KIAA1755: variants seen among roughly 807,000 people sequenced by gnomAD.
The protein encoded by KIAA1755 is KIAA1755, also known as uncharacterized protein KIAA1755.
A neutral mutation model predicts 91.7 loss-of-function variants in KIAA1755; 68 were observed. The ratio of observed to expected loss-of-function variants is 0.74; its 90% confidence interval spans 0.61 to 0.91. The LOEUF (loss-of-function observed/expected upper bound fraction) is 0.91. Among genes scored for constraint, KIAA1755 ranks in the 40% least tolerant of loss-of-function variants. The pLI is 0.00. For synonymous variants in KIAA1755, 610 were observed against 604.6 expected (o/e 1.01, Z -0.13); for missense variants, 1,535 against 1,494.4 (o/e 1.03, Z -0.45).
chr20:38,248,311 C>T (rs536634890), intron 1 of KIAA1755, among the ~76,000 whole-genome samples: 18 of 152,128 alleles, frequency 1.2e-4, no homozygotes, highest in East Asian at 3.8e-4. Context: ...GAACATAGAG[C>T]GGGAGCCAAG....
At chr20:38,217,119 T>G in intron 13 of KIAA1755, 134 bp downstream of exon 13, 10 of 682,012 alleles carry the variant, frequency 1.5e-5, no homozygotes, top group Middle Eastern at 4.1e-4. Context: ...GGGGGGGCTG[T>G]GTCTAGGTAT....
intron 1 of KIAA1755, among the ~76,000 whole-genome samples, chr20:38,250,806 C>A (rs1490223330): frequency 6.6e-6 from 1 of 151,888 alleles, no homozygotes; most frequent in African/African-American, 2.4e-5. Flanking sequence ...TGCAGGGCGC[C>A]ATGATGTTCT....
In KIAA1755 at chr20:38,241,728, G is replaced by C. The variant is rs146785814; in HGVS notation, c.403C>G (p.Pro135Ala). 3 of 1,614,220 alleles carry C rather than the reference G, an allele frequency of 1.9e-6. No individual in the cohort carries two copies. The highest frequency in any genetic ancestry group is 2.7e-5 in the African/African-American group (2 of 75,046). The change falls in exon 3 of 14, where the codon CCT becomes GCT. Residue 135 changes from proline to alanine, a missense_variant. Transcript: ENST00000279024. ...ATAGGGTAGGCTGGCTCTGGAACAGGCTTCTTGTCCACTGTGCAGAGGTCC... is the reference window on the plus strand; with the variant it reads ...ATAGGGTAGGCTGGCTCTGGAACAGCCTTCTTGTCCACTGTGCAGAGGTCC... ...SLDLCTVDKK[P>A]VPEPAYPILF...
At chr20:38,237,635 T>C (rs539493705) in intron 4 of KIAA1755, among the ~76,000 whole-genome samples, 2 of 150,712 alleles carry the variant, frequency 1.3e-5, no homozygotes, top group East Asian at 3.9e-4. Context: ...GGAAGGGATG[T>C]GGTGGAGGGT....
At chr20:38,254,179 C>G (rs2076299325) in intron 1 of KIAA1755, among the ~76,000 whole-genome samples, 2 of 152,188 alleles carry the variant, frequency 1.3e-5, no homozygotes, top group South Asian at 4.1e-4. Flanking sequence ...GCCACTGCAC[C>G]CAGCTGGACT....
intron 1 of KIAA1755, among the ~76,000 whole-genome samples, chr20:38,247,230 C>T (rs933355817): frequency 6.6e-6 from 1 of 152,156 alleles, no homozygotes; most frequent in Admixed American, 6.5e-5. Flanking sequence ...AGGTTCCCAC[C>T]GTCTTCAGGA....
intron 1 of KIAA1755, among the ~76,000 whole-genome samples, chr20:38,257,129 T>A (rs2076352567): frequency 6.6e-6 from 1 of 152,116 alleles, no homozygotes; most frequent in Admixed American, 6.6e-5. Context: ...CCACCACCCA[T>A]CAGACACAGC....
In KIAA1755 at chr20:38,245,942, C is replaced by T. The variant is rs147419371; in HGVS notation, c.188G>A (p.Arg63Gln). Residue 63 changes from arginine to glutamine, a missense_variant, in exon 2 of 14, where the codon CGA (arginine) becomes CAA (glutamine). Transcript: ENST00000279024. ...IPAKRLCEQV[R>Q]EAACAPYSHC... ...CTCTTGACTTACACAGGCTGCTTCT[C>T]GCACTTGCTCACACAGGCGCTTGGC... 58 of 1,614,130 alleles carry T rather than the reference C, an allele frequency of 3.6e-5. No individual in the cohort carries two copies. The highest frequency in any genetic ancestry group is 5.3e-5 in the African/African-American group (4 of 75,038).
chr20:38,244,246 T>G, intron 2 of KIAA1755, among the ~76,000 whole-genome samples: 1 of 152,112 alleles, frequency 6.6e-6, no homozygotes, highest in East Asian at 1.9e-4. Flanking sequence ...TGGGGGAGCA[T>G]CTGCATGAAA....
At chr20:38,229,911 C>A (rs1362022641) in intron 5 of KIAA1755, among the ~76,000 whole-genome samples, 1 of 152,202 alleles carries the variant, frequency 6.6e-6, no homozygotes, top group Non-Finnish European at 1.5e-5. Flanking sequence ...AGAAAAGCCA[C>A]TCCACCTTGG....
Position 38,227,163 on chromosome 20 carries a change from A to G in KIAA1755, c.2043T>C (p.Pro681=), listed in dbSNP as rs200744760. ...CCTGAGTCCCCCTCACCTGGACGTCAGGTAATGTCTGCAGCTGGAGAGCCG... is the reference window on the plus strand; with the variant it reads ...CCTGAGTCCCCCTCACCTGGACGTCGGGTAATGTCTGCAGCTGGAGAGCCG... ...KEAALQLQTL[P]DVQVEVLTSL... The change falls in exon 7 of 14, where the codon CCT becomes CCC. Residue 681 remains proline, a synonymous_variant. Coordinates refer to ENST00000279024, the MANE Select transcript of KIAA1755 (RefSeq NM_001029864.2). 1.4e-5 allele frequency: 22 copies of G among 1,613,550 alleles called. No individual in the cohort carries two copies. Among genetic ancestry groups the G allele is most frequent in the South Asian group, 1.2e-4 (11 of 91,050 alleles).
chr20:38,219,365 C>T (rs935870734), intron 11 of KIAA1755, among the ~76,000 whole-genome samples: 1 of 152,232 alleles, frequency 6.6e-6, no homozygotes, highest in African/African-American at 2.4e-5. Flanking sequence ...ATGATGTTCA[C>T]AACGGCTCTG....
At chr20:38,248,269 C>T (rs910787841) in intron 1 of KIAA1755, among the ~76,000 whole-genome samples, 3 of 152,112 alleles carry the variant, frequency 2.0e-5, no homozygotes, top group Admixed American at 6.6e-5. Flanking sequence ...ACAACGGAAG[C>T]AGGATCAGAG....
In KIAA1755 at chr20:38,231,215, A is replaced by T; in HGVS notation, c.1858T>A (p.Cys620Ser). The change falls in exon 5 of 14, where the codon TGT becomes AGT. Residue 620 changes from cysteine (C) to serine (S), a missense_variant. Cys to Ser is a moderately radical substitution (Grantham distance 112). Transcript: ENST00000279024. ...SEVTKLLSYL[C>S]TIPRPEDKAK... ...CCAGATCCTTACCTGGGGATGGTACACAGGTAGGACAGTAGCTTGGTGACC... is the reference window on the plus strand; with the variant it reads ...CCAGATCCTTACCTGGGGATGGTACTCAGGTAGGACAGTAGCTTGGTGACC... The T allele has an allele frequency of 6.2e-7, 1 of 1,613,446 alleles. No homozygotes were observed. Among genetic ancestry groups the T allele is most frequent in the Non-Finnish European group, 8.5e-7 (1 of 1,179,714 alleles).
rs1481801679 is a variant in KIAA1755, at chr20:38,239,547, GGAGCGGAAAACCTTGACACCTA to G, written c.1706_1727del (p.Leu569ProfsTer3). The G allele has an allele frequency of 6.2e-7, 1 of 1,613,854 alleles. No homozygotes were observed. The highest frequency in any genetic ancestry group is 2.2e-5 in the East Asian group (1 of 44,836). ...TGGAACCTGGCAGGCATGCTATCCT[GGAGCGGAAAACCTTGACACCTA>G]GAGCCCCAATCCTGGGCTCAGGCCC... On this transcript the variant is annotated frameshift_variant, in exon 4 of 14. Coordinates refer to ENST00000279024, the MANE Select transcript of KIAA1755 (RefSeq NM_001029864.2). LOFTEE classifies it high-confidence loss of function.
intron 13 of KIAA1755, 31 bp downstream of exon 13, chr20:38,217,222 G>T: frequency 6.4e-7 from 1 of 1,551,578 alleles, no homozygotes; most frequent in Non-Finnish European, 8.7e-7. Context: ...GGGATCGGGG[G>T]GTATCTGTGC....
chr20:38,218,682 C>T (rs144190713), intron 11 of KIAA1755, among the ~76,000 whole-genome samples: 3 of 152,300 alleles, frequency 2.0e-5, no homozygotes, highest in African/African-American at 4.8e-5. Context: ...TCAGAGACGC[C>T]GGATCATAAA....
chr20:38,218,504 G>T, intron 11 of KIAA1755, 138 bp from the exon 12 acceptor site: 1 of 1,186,464 alleles, frequency 8.4e-7, no homozygotes, highest in Non-Finnish European at 1.2e-6. Context: ...GGCTTGGACT[G>T]AAATTCTCCC....
intron 10 of KIAA1755, among the ~76,000 whole-genome samples, chr20:38,220,626 C>T (rs892909071): frequency 6.6e-6 from 1 of 152,170 alleles, no homozygotes; most frequent in African/African-American, 2.4e-5. Flanking sequence ...GACACTGATG[C>T]TTTCTAAAGC....
Sources: gnomAD v4.1 joint callset for allele counts (sites outside exome capture counted in the v4.1 genomes callset) on GRCh38, gnomAD v4.1.1 for gene constraint, MANE v1.5 for transcripts, NCBI Gene and HGNC (gene_info 2026-07-23, HGNC 2026-07-21) for gene names.